Variants in CCDC178 observed in about 807,000 individuals in gnomAD.
CCDC178 encodes the protein coiled-coil domain-containing protein 178.
CCDC178 carries 126 observed loss-of-function variants against 117.4 expected under a neutral mutation model. That is an observed-to-expected ratio of 1.07 (90% CI 0.93 to 1.24). The LOEUF is 1.24. Ranked by LOEUF, CCDC178 falls within the 50% of genes most tolerant of loss-of-function variation. The pLI is 0.00. For missense variants in CCDC178, 1,030 were observed against 986.9 expected (o/e 1.04, Z -0.59); for synonymous variants, 283 against 313.4 (o/e 0.90, Z 1.02).
chr18:33,243,640 T>C (rs1444301204), intron 15 of CCDC178, among the ~76,000 whole-genome samples: 1 of 151,960 alleles, frequency 6.6e-6, no homozygotes, highest in Non-Finnish European at 1.5e-5. Flanking sequence ...GTAAGTTCTA[T>C]TTTATGGTAT....
intron 11 of CCDC178, among the ~76,000 whole-genome samples, chr18:33,321,841 T>C (rs2097707470): frequency 6.6e-6 from 1 of 151,886 alleles, no homozygotes; most frequent in African/African-American, 2.4e-5. Flanking sequence ...CACTTAATGG[T>C]CCACCCTTGA....
chr18:33,112,053 T>C (rs536186992), intron 20 of CCDC178, among the ~76,000 whole-genome samples: 2 of 151,820 alleles, frequency 1.3e-5, no homozygotes, highest in East Asian at 3.9e-4. Context: ...TTTAATAAAC[T>C]GTTGTAATGA....
Position 33,136,548 on chromosome 18 carries a change from G to A in CCDC178, c.2239-43638C>T, listed in dbSNP as rs190193176. On this transcript the variant is annotated intron_variant, in intron 20 of 22. Transcript: ENST00000383096. The stretch of plus-strand genomic sequence containing the variant: ...ATTGGACTTAGCAATAGAGCAACAG[G>A]GACCCTAGGGACAGAAGAATAATAT... Among the ~76,000 whole-genome samples the A allele has an allele frequency of 6.6e-5, 10 of 152,174 alleles. No individual in the cohort carries two copies. The East Asian group carries it at 1.7e-3, about 26-fold the overall frequency.
intron 21 of CCDC178, among the ~76,000 whole-genome samples, chr18:33,027,394 G>A (rs1425304859): frequency 6.6e-6 from 1 of 151,548 alleles, no homozygotes; most frequent in Non-Finnish European, 1.5e-5. Context: ...TACAATAAAT[G>A]TAACTAGAAA....
At chr18:33,404,217 A>G (rs1248993235) in intron 3 of CCDC178, among the ~76,000 whole-genome samples, 2 of 152,184 alleles carry the variant, frequency 1.3e-5, no homozygotes, top group Non-Finnish European at 2.9e-5. Flanking sequence ...ATGTATCAAT[A>G]TTGGTTTATC....
At chr18:33,177,508 G>T (rs1164894531) in intron 20 of CCDC178, among the ~76,000 whole-genome samples, 1 of 152,086 alleles carries the variant, frequency 6.6e-6, no homozygotes, top group Non-Finnish European at 1.5e-5. Flanking sequence ...AGTTGGCTTT[G>T]TGAAACATCT....
rs537515031 is a variant in CCDC178 at position 33,259,561 on chromosome 18, T to C, written c.1409+7355A>G. 4.1e-4 allele frequency among the ~76,000 whole-genome samples: 63 copies of C among 151,982 alleles called. 1 individual carries two copies. The highest frequency in any genetic ancestry group is 3.4e-3 in the Middle Eastern group (1 of 294). Reference sequence around the variant, plus strand: ...GAGAGAGAGAGAGTGAAGGCGGAAATGCCACACACTTTCAAAGAATCAGAT... The same window carrying C: ...GAGAGAGAGAGAGTGAAGGCGGAAACGCCACACACTTTCAAAGAATCAGAT... On this transcript the variant is annotated intron_variant, in intron 14 of 22. Transcript: ENST00000383096.
intron 20 of CCDC178, among the ~76,000 whole-genome samples, chr18:33,147,576 C>A (rs192685513): frequency 1.3e-5 from 2 of 151,374 alleles, no homozygotes; most frequent in Non-Finnish European, 2.9e-5. Flanking sequence ...TGACTCCTAA[C>A]GAGCATGCTG....
intron 2 of CCDC178, among the ~76,000 whole-genome samples, chr18:33,431,617 C>A (rs1410924956): frequency 6.6e-6 from 1 of 152,100 alleles, no homozygotes; most frequent in Non-Finnish European, 1.5e-5. Flanking sequence ...CTTGTTACTG[C>A]AGGTGATATA....
chr18:33,405,863 T>C (rs564609422), intron 3 of CCDC178, among the ~76,000 whole-genome samples: 13 of 152,180 alleles, frequency 8.5e-5, no homozygotes, highest in Non-Finnish European at 1.3e-4. Context: ...CCAGTACTGA[T>C]GATGCAGATA....
intron 21 of CCDC178, among the ~76,000 whole-genome samples, chr18:32,979,553 T>C (rs575835648): frequency 6.6e-6 from 1 of 152,348 alleles, no homozygotes; most frequent in South Asian, 2.1e-4. Context: ...GGTTTATATC[T>C]ATTAAAAATG....
At chr18:32,996,862 A>G (rs2055521593) in intron 21 of CCDC178, among the ~76,000 whole-genome samples, 2 of 152,154 alleles carry the variant, frequency 1.3e-5, no homozygotes, top group Admixed American at 1.3e-4. Context: ...GAGATCATAT[A>G]AATCAATAAG....
intron 21 of CCDC178, among the ~76,000 whole-genome samples, chr18:33,043,270 G>T (rs1235508574): frequency 6.6e-6 from 1 of 152,004 alleles, no homozygotes; most frequent in African/African-American, 2.4e-5. Flanking sequence ...AACTAATACT[G>T]AAGAAACTGT....
chr18:33,262,573 A>T (rs902059092), intron 14 of CCDC178, among the ~76,000 whole-genome samples: 5 of 152,146 alleles, frequency 3.3e-5, no homozygotes, highest in Admixed American at 3.3e-4. Context: ...ATCTGGCATG[A>T]TGGTTCCTTA....
At chr18:33,179,787 G>A (rs2144472846) in intron 20 of CCDC178, among the ~76,000 whole-genome samples, 1 of 152,090 alleles carries the variant, frequency 6.6e-6, no homozygotes, top group South Asian at 2.1e-4. Context: ...AAATCTCAGA[G>A]CTGCATAATA....
At chr18:33,176,526 C>T (rs2058666278) in intron 20 of CCDC178, among the ~76,000 whole-genome samples, 2 of 152,142 alleles carry the variant, frequency 1.3e-5, no homozygotes, top group Non-Finnish European at 1.5e-5. Context: ...TCTCCATCCA[C>T]CACATTTAGG....
intron 20 of CCDC178, among the ~76,000 whole-genome samples, chr18:33,191,523 C>T (rs922571203): frequency 2.6e-5 from 4 of 151,978 alleles, no homozygotes; most frequent in Non-Finnish European, 4.4e-5. Flanking sequence ...ATTTTCTGAG[C>T]GTTCTATTAA....
At chr18:33,107,626 TG>T (rs1483474356) in intron 20 of CCDC178, among the ~76,000 whole-genome samples, 6 of 151,750 alleles carry the variant, frequency 4.0e-5, no homozygotes, top group Non-Finnish European at 8.8e-5. Context: ...CAATTTTACA[TG>T]CCTAATTTTC....
At chr18:33,371,678 C>T (rs2063301775) in intron 5 of CCDC178, among the ~76,000 whole-genome samples, 1 of 151,688 alleles carries the variant, frequency 6.6e-6, no homozygotes, top group South Asian at 2.1e-4. Flanking sequence ...GTGCTGGTAT[C>T]CTATGTCTTT....
Sources: gnomAD v4.1 joint callset for allele counts (sites outside exome capture counted in the v4.1 genomes callset) on GRCh38, gnomAD v4.1.1 for gene constraint, MANE v1.5 for transcripts, NCBI Gene and HGNC (gene_info 2026-07-23, HGNC 2026-07-21) for gene names.